The following SNX29 variants were observed in gnomAD, a reference collection of about 807,000 sequenced individuals.
SNX29 encodes the protein sorting nexin-29.
In SNX29, 78 loss-of-function variants were observed where a neutral mutation model predicts 102.1. The observed-to-expected ratio is 0.76, with a 90% CI of 0.64 to 0.92. SNX29 has a LOEUF of 0.92. Ranked by LOEUF, SNX29 falls within the 40% of genes least tolerant of loss-of-function variation. The probability of loss-of-function intolerance (pLI) is 0.00; values close to 1 mark genes in which losing one functional copy is unlikely to be tolerated. For missense variants in SNX29, 1,280 were observed against 1,061.7 expected (o/e 1.21, Z -2.86); for synonymous variants, 580 against 414.5 (o/e 1.40, Z -4.85).
intron 14 of SNX29, among the ~76,000 whole-genome samples, chr16:12,217,716 T>C (rs1320031924): frequency 6.6e-6 from 1 of 152,220 alleles, no homozygotes; most frequent in Non-Finnish European, 1.5e-5. Flanking sequence ...ACCATGGGCA[T>C]ATGTGCTGTT....
intron 13 of SNX29, chr16:12,135,431 G>A (rs1325557963): frequency 1.9e-6 from 2 of 1,066,364 alleles, no homozygotes; most frequent in Non-Finnish European, 2.6e-6. Context: ...GGACAGTTGG[G>A]TTGCTCCATC....
At chr16:12,438,636 C>G (rs753719629) in intron 18 of SNX29, among the ~76,000 whole-genome samples, 53 of 152,248 alleles carry the variant, frequency 3.5e-4, no homozygotes, top group Admixed American at 9.2e-4. Flanking sequence ...GATAGCCAGA[C>G]TCACAGACTT....
Position 12,396,800 on chromosome 16 carries a change from TACAC to T in SNX29, c.1900-1643_1900-1640del, listed in dbSNP as rs1390997524. On this transcript the variant is annotated intron_variant, in intron 16 of 20. Coordinates refer to ENST00000566228, the MANE Select transcript of SNX29 (RefSeq NM_032167.5). ...GGTATTTGATTACTTAGTAATGTGA[TACAC>T]ACTTAAATTGATATATAATGTATCT... 4.6e-5 allele frequency among the ~76,000 whole-genome samples: 7 copies of T among 152,370 alleles called. No homozygotes were observed. In the East Asian group the frequency reaches 1.3e-3, roughly 29 times the overall value.
intron 11 of SNX29, among the ~76,000 whole-genome samples, chr16:12,111,424 G>A (rs1007594365): frequency 2.0e-5 from 3 of 152,178 alleles, no homozygotes; most frequent in African/African-American, 4.8e-5. Flanking sequence ...CCTTTGAGCC[G>A]TTCCTCAGAC....
intron 15 of SNX29, among the ~76,000 whole-genome samples, chr16:12,324,051 C>G (rs915804062): frequency 1.3e-5 from 2 of 152,044 alleles, no homozygotes; most frequent in Admixed American, 6.5e-5. Context: ...TGAGATCCAG[C>G]CAGTCTGCAG....
At chr16:12,189,866 T>C (rs139749903) in intron 13 of SNX29, among the ~76,000 whole-genome samples, 1 of 152,220 alleles carries the variant, frequency 6.6e-6, no homozygotes, top group Non-Finnish European at 1.5e-5. Context: ...TGGGAACTTT[T>C]ATGAGCTGGC....
intron 15 of SNX29, among the ~76,000 whole-genome samples, chr16:12,345,999 C>G (rs1320044896): frequency 6.6e-6 from 1 of 152,178 alleles, no homozygotes; most frequent in Non-Finnish European, 1.5e-5. Flanking sequence ...CAGTCCCACT[C>G]CCCCCTCCCC....
chr16:12,239,844 G>T (rs938850432), intron 14 of SNX29, among the ~76,000 whole-genome samples: 1 of 151,610 alleles, frequency 6.6e-6, no homozygotes, highest in African/African-American at 2.4e-5. Flanking sequence ...TGATTATAAA[G>T]AAATATAAGT....
rs12933590 is a variant in SNX29, at chr16:12,568,106, C to G, written c.2319-400C>G. Among the ~76,000 whole-genome samples, 918 of 152,300 alleles carry G rather than the reference C, an allele frequency of 6.0e-3. 2 individuals carry two copies. The highest frequency in any genetic ancestry group is 0.014 in the Middle Eastern group (4 of 294). On this transcript the variant is annotated intron_variant, in intron 20 of 20. Transcript: ENST00000566228. ...CCGTCTCCTGTGTTTTGCTACGCAT[C>G]TTGTGTGGCTTTATGTAGTGTTCTC... is the stretch of plus-strand genomic sequence containing the variant.
Position 12,011,189 on chromosome 16 carries a change from G to GTTT in SNX29, c.122+8163_122+8165dup, listed in dbSNP as rs369528003. ...TGCTTGATTAAATGAATTGCTTGGG[G>GTTT]TTTTTTTTTTTTTTTTTTTGAAAAA... On this transcript the variant is annotated intron_variant, in intron 3 of 20. Transcript: ENST00000566228. 3.7e-3 allele frequency among the ~76,000 whole-genome samples: 460 copies of GTTT among 124,002 alleles called. 3 individuals are homozygous for GTTT. Among genetic ancestry groups the GTTT allele is most frequent in the African/African-American group, 0.013 (425 of 33,450 alleles). 81.4% of individuals were successfully genotyped at this position (124,002 alleles called of 152,430 possible).
intron 14 of SNX29, among the ~76,000 whole-genome samples, chr16:12,266,188 G>A (rs924553457): frequency 6.6e-5 from 10 of 152,232 alleles, no homozygotes; most frequent in Non-Finnish European, 8.8e-5. Context: ...GCCTCCCAAA[G>A]TGCTGGGGTT....
intron 18 of SNX29, among the ~76,000 whole-genome samples, chr16:12,474,742 G>A (rs12598509): frequency 6.6e-5 from 10 of 151,960 alleles, no homozygotes. Context: ...TTCTTAACTC[G>A]GGTAATTTTT....
chr16:12,118,854 A>G (rs1043461185), intron 11 of SNX29, among the ~76,000 whole-genome samples: 6 of 152,078 alleles, frequency 3.9e-5, no homozygotes, highest in African/African-American at 7.2e-5. Flanking sequence ...TGGGGTGTCC[A>G]TTCACTGTCC....
chr16:12,400,211 A>C (rs372784914), intron 17 of SNX29, among the ~76,000 whole-genome samples: 12 of 152,290 alleles, frequency 7.9e-5, no homozygotes, highest in African/African-American at 2.4e-4. Context: ...CTTACGAAGA[A>C]GGCCCTCACT....
At chr16:12,176,194 C>A (rs1039448933) in intron 13 of SNX29, among the ~76,000 whole-genome samples, 7 of 152,172 alleles carry the variant, frequency 4.6e-5, no homozygotes, top group Non-Finnish European at 8.8e-5. Context: ...GTGAGAAATA[C>A]ATTTCTGTGG....
intron 13 of SNX29, among the ~76,000 whole-genome samples, chr16:12,191,345 C>T (rs953743344): frequency 6.6e-6 from 1 of 152,086 alleles, no homozygotes; most frequent in East Asian, 1.9e-4. Flanking sequence ...AGTTTTCACT[C>T]TGGAGTTGCA....
intron 11 of SNX29, among the ~76,000 whole-genome samples, chr16:12,116,350 C>G (rs1158066137): frequency 1.3e-5 from 2 of 152,160 alleles, no homozygotes; most frequent in African/African-American, 4.8e-5. Context: ...TGTGGCATAT[C>G]CATACAGTGG....
chr16:12,381,039 C>T (rs1454722350), intron 16 of SNX29, among the ~76,000 whole-genome samples: 1 of 93,096 alleles, frequency 1.1e-5, no homozygotes, highest in African/African-American at 4.5e-5. Flanking sequence ...ACCCACCATC[C>T]ATCCACCCAC....
At chr16:12,520,963 C>A (rs995883696) in intron 19 of SNX29, among the ~76,000 whole-genome samples, 3 of 152,144 alleles carry the variant, frequency 2.0e-5, no homozygotes, top group African/African-American at 7.2e-5. Context: ...CTTTGGGACA[C>A]TGAGGTGGGC....
Sources: gnomAD v4.1 joint callset for allele counts (sites outside exome capture counted in the v4.1 genomes callset) on GRCh38, gnomAD v4.1.1 for gene constraint, MANE v1.5 for transcripts, NCBI Gene and HGNC (gene_info 2026-07-23, HGNC 2026-07-21) for gene names.